FBXL7: variants seen among roughly 807,000 people sequenced by gnomAD.
FBXL7 encodes the protein F-box and leucine rich repeat protein 7, also known as F-box/LRR-repeat protein 7.
In FBXL7, 12 loss-of-function variants were observed where a neutral mutation model predicts 38.3. That is an observed-to-expected ratio of 0.31 (90% CI 0.20 to 0.51). The LOEUF (loss-of-function observed/expected upper bound fraction) is 0.51, where lower values mean the gene tolerates loss of function less well. Ranked by LOEUF, FBXL7 falls within the 20% of genes least tolerant of loss-of-function variation. FBXL7 has a pLI of 0.98. For missense variants in FBXL7, 567 were observed against 676.4 expected (o/e 0.84, Z 1.79); for synonymous variants, 297 against 300.9 (o/e 0.99, Z 0.13).
At chr5:15,839,368 C>A (rs1230038849) in intron 2 of FBXL7, among the ~76,000 whole-genome samples, 1 of 151,836 alleles carries the variant, frequency 6.6e-6, no homozygotes, top group Non-Finnish European at 1.5e-5. Context: ...AAATTTTGTT[C>A]TTTGTATTTA....
intron 2 of FBXL7, among the ~76,000 whole-genome samples, chr5:15,703,116 G>T (rs1318837411): frequency 6.6e-6 from 1 of 152,218 alleles, no homozygotes; most frequent in African/African-American, 2.4e-5. Context: ...GGTCACAGGG[G>T]ATATGATGGC....
chr5:15,557,543 C>T (rs982140328), intron 1 of FBXL7, among the ~76,000 whole-genome samples: 1 of 152,142 alleles, frequency 6.6e-6, no homozygotes, highest in East Asian at 1.9e-4. Context: ...GACCCCATTA[C>T]ACTGTTTCAT....
At chr5:15,807,414 A>G (rs1030935611) in intron 2 of FBXL7, among the ~76,000 whole-genome samples, 1 of 152,190 alleles carries the variant, frequency 6.6e-6, no homozygotes, top group African/African-American at 2.4e-5. Context: ...GGAGATGACC[A>G]TGGGGAAGGA....
At chr5:15,564,437 T>G (rs1310513755) in intron 1 of FBXL7, among the ~76,000 whole-genome samples, 1 of 151,040 alleles carries the variant, frequency 6.6e-6, no homozygotes, top group Non-Finnish European at 1.5e-5. Context: ...ATATGTTTAG[T>G]CAACCCCATT....
chr5:15,547,756 A>G (rs1383900567), intron 1 of FBXL7, among the ~76,000 whole-genome samples: 1 of 152,200 alleles, frequency 6.6e-6, no homozygotes, highest in East Asian at 1.9e-4. Context: ...AGTCCGGGAT[A>G]TTCTGGCCAG....
At chr5:15,588,408 G>A (rs1739364917) in intron 1 of FBXL7, among the ~76,000 whole-genome samples, 1 of 139,506 alleles carries the variant, frequency 7.2e-6, no homozygotes, top group Admixed American at 7.4e-5. Context: ...TTTTTGAGAT[G>A]GAGTTTCGCT....
chr5:15,816,023 C>T (rs1248964705), intron 2 of FBXL7, among the ~76,000 whole-genome samples: 2 of 152,048 alleles, frequency 1.3e-5, no homozygotes, highest in East Asian at 3.9e-4. Flanking sequence ...AAATGTTTGG[C>T]TGCTCAAAAA....
intron 1 of FBXL7, among the ~76,000 whole-genome samples, chr5:15,585,815 A>T (rs1473105742): frequency 6.6e-6 from 1 of 152,248 alleles, no homozygotes; most frequent in Non-Finnish European, 1.5e-5. Flanking sequence ...ACACATGAGC[A>T]TGTATCTTAT....
chr5:15,913,043 T>C (rs1298823601), intron 2 of FBXL7, among the ~76,000 whole-genome samples: 2 of 152,204 alleles, frequency 1.3e-5, no homozygotes, highest in Non-Finnish European at 1.5e-5. Flanking sequence ...TTTGATAATA[T>C]AGAAAGAATA....
chr5:15,735,519 T>G (rs969106111), intron 2 of FBXL7, among the ~76,000 whole-genome samples: 11 of 152,150 alleles, frequency 7.2e-5, no homozygotes, highest in Non-Finnish European at 1.3e-4. Flanking sequence ...AACTGAAATA[T>G]TTTTGACTAG....
chr5:15,726,691 A>AAAAT (rs55752648), intron 2 of FBXL7, among the ~76,000 whole-genome samples: 20,398 of 141,256 alleles, frequency 0.14, 1,551 homozygotes, highest in South Asian at 0.19. Context: ...ACTCCATCTC[A>AAAAT]AAATAAATAA....
At chr5:15,704,415 G>A (rs1743619809) in intron 2 of FBXL7, among the ~76,000 whole-genome samples, 1 of 152,188 alleles carries the variant, frequency 6.6e-6, no homozygotes, top group African/African-American at 2.4e-5. Flanking sequence ...TGACCTTTGA[G>A]TATAGGAAAA....
chr5:15,621,622 T>C (rs1459538879), intron 2 of FBXL7, among the ~76,000 whole-genome samples: 1 of 152,162 alleles, frequency 6.6e-6, no homozygotes, highest in Non-Finnish European at 1.5e-5. Context: ...AACTGAAAGG[T>C]ATGAGGCTAT....
At chr5:15,877,094 A>C (rs1740242102) in intron 2 of FBXL7, among the ~76,000 whole-genome samples, 1 of 152,188 alleles carries the variant, frequency 6.6e-6, no homozygotes, top group African/African-American at 2.4e-5. Flanking sequence ...GCTAGTTACT[A>C]CCAAAGACAA....
intron 2 of FBXL7, among the ~76,000 whole-genome samples, chr5:15,863,415 A>G (rs973501302): frequency 6.6e-6 from 1 of 152,172 alleles, no homozygotes; most frequent in African/African-American, 2.4e-5. Flanking sequence ...ATTCACATAA[A>G]TCAAGGCAGG....
In FBXL7 at chr5:15,868,775, A is replaced by T. The variant is rs567705788; in HGVS notation, c.128-59115A>T. Among the ~76,000 whole-genome samples, 71 of 152,208 alleles carry T rather than the reference A, an allele frequency of 4.7e-4. 1 individual carries two copies. The South Asian group carries it at 0.014, about 30-fold the overall frequency. ...CCATTCAATGGAACCTCCTCCTTAA[A>T]GTCCTTCCTTGGTCATGCTACTTAA... On this transcript the variant is annotated intron_variant, in intron 2 of 3. Coordinates refer to ENST00000504595, the MANE Select transcript of FBXL7 (RefSeq NM_012304.5).
At chr5:15,867,579 A>G (rs1739770442) in intron 2 of FBXL7, among the ~76,000 whole-genome samples, 1 of 152,214 alleles carries the variant, frequency 6.6e-6, no homozygotes, top group Non-Finnish European at 1.5e-5. Context: ...CTGTATGCCA[A>G]TCTCTGGAAT....
intron 2 of FBXL7, among the ~76,000 whole-genome samples, chr5:15,679,069 A>T (rs1561082171): frequency 6.6e-6 from 1 of 152,240 alleles, no homozygotes; most frequent in Non-Finnish European, 1.5e-5. Context: ...CACACAGCTG[A>T]AAATTGCATT....
At chr5:15,702,611 T>TA (rs1561091960) in intron 2 of FBXL7, among the ~76,000 whole-genome samples, 1 of 152,164 alleles carries the variant, frequency 6.6e-6, no homozygotes, top group Admixed American at 6.5e-5. Flanking sequence ...TCTCCTTTTT[T>TA]AAAAAAATAA....
Sources: gnomAD v4.1 joint callset for allele counts (sites outside exome capture counted in the v4.1 genomes callset) on GRCh38, gnomAD v4.1.1 for gene constraint, MANE v1.5 for transcripts, NCBI Gene and HGNC (gene_info 2026-07-23, HGNC 2026-07-21) for gene names.